The following PLA2G4A variants were observed in gnomAD, a reference collection of about 807,000 sequenced individuals.
PLA2G4A encodes phospholipase A2 group IVA.
In PLA2G4A, 40 loss-of-function variants were observed where a neutral mutation model predicts 81.9. The ratio of observed to expected loss-of-function variants is 0.49; its 90% CI spans 0.38 to 0.64. PLA2G4A has a LOEUF of 0.64. PLA2G4A is among the 30% of genes least tolerant of loss of function. The probability of loss-of-function intolerance (pLI) is 0.00; values close to 1 mark genes in which losing one functional copy is unlikely to be tolerated. For synonymous variants in PLA2G4A, 302 were observed against 296.9 expected (o/e 1.02, Z -0.18); for missense variants, 715 against 905.1 (o/e 0.79, Z 2.69).
At position 186,932,521 on chromosome 1, in the gene PLA2G4A, G is replaced by A. The variant is rs181159135; in HGVS notation, c.559-242G>A. Among the ~76,000 whole-genome samples, 353 of 151,834 alleles carry A rather than the reference G, an allele frequency of 2.3e-3. 6 individuals carry two copies. The highest frequency in any genetic ancestry group is 0.017 in the Middle Eastern group (5 of 294). On this transcript the variant is annotated intron_variant, in intron 7 of 17. Coordinates refer to ENST00000367466, the MANE Select transcript of PLA2G4A (RefSeq NM_024420.3). ...TCACCATGTTGGTCAGGCTGGTCTC[G>A]AACTCCTGACTTCAGGTGATGCACC...
intron 7 of PLA2G4A, 77 bp from the exon 8 acceptor site, chr1:186,932,685 CA>C (rs1655793720): frequency 1.5e-5 from 20 of 1,367,626 alleles, no homozygotes; most frequent in African/African-American, 2.9e-5. Flanking sequence ...GGATGTATAA[CA>C]TAAAGATTGA....
At chr1:186,833,964 G>T (rs1651687566) in intron 1 of PLA2G4A, among the ~76,000 whole-genome samples, 1 of 151,870 alleles carries the variant, frequency 6.6e-6, no homozygotes, top group Non-Finnish European at 1.5e-5. Context: ...TCCTTTTTTG[G>T]CACATGCAGT....
At chr1:186,862,080 ATAT>A (rs770448455) in intron 2 of PLA2G4A, among the ~76,000 whole-genome samples, 9 of 151,144 alleles carry the variant, frequency 6.0e-5, no homozygotes, top group African/African-American at 7.3e-5. Context: ...TTATTTTTAT[ATAT>A]TGTCATTTAA....
At chr1:186,860,096 G>A (rs1652741066) in intron 2 of PLA2G4A, among the ~76,000 whole-genome samples, 1 of 151,988 alleles carries the variant, frequency 6.6e-6, no homozygotes, top group South Asian at 2.1e-4. Context: ...GAAAAATGAG[G>A]AAGAAGAAAG....
At chr1:186,845,602 G>T (rs919946670) in intron 1 of PLA2G4A, among the ~76,000 whole-genome samples, 3 of 151,974 alleles carry the variant, frequency 2.0e-5, no homozygotes, top group Non-Finnish European at 1.5e-5. Context: ...AAAGAGAAAA[G>T]AATCTTTTGC....
intron 14 of PLA2G4A, among the ~76,000 whole-genome samples, chr1:186,957,116 C>T (rs199681822): frequency 1.3e-5 from 2 of 151,890 alleles, no homozygotes; most frequent in African/African-American, 4.8e-5. Context: ...TGCACCACTG[C>T]ACTCCAGCCT....
chr1:186,986,451 G>T (rs771044665), intron 17 of PLA2G4A, among the ~76,000 whole-genome samples: 3 of 152,188 alleles, frequency 2.0e-5, no homozygotes, highest in Non-Finnish European at 4.4e-5. Context: ...TGCTGATATA[G>T]ATCTCTAGAA....
rs1419811499 is a variant in PLA2G4A at position 186,977,749 on chromosome 1, G to A, written c.1921G>A (p.Val641Ile). Residue 641 changes from valine (V) to isoleucine (I), a missense_variant, in exon 16 of 18, where the codon GTT (valine) becomes ATT (isoleucine). By Grantham distance (29) the Val-to-Ile change is conservative. Coordinates refer to ENST00000367466, the MANE Select transcript of PLA2G4A (RefSeq NM_024420.3). ...AGATTGCCCAACCATCATCCACTTT[G>A]TTCTGGCCAACATCAACTTCAGAAA... ...EKDCPTIIHF[V>I]LANINFRKYR... 6.2e-7 allele frequency: 1 copy of A among 1,613,666 alleles called. No homozygotes were observed. Among genetic ancestry groups the A allele is most frequent in the Non-Finnish European group, 8.5e-7 (1 of 1,179,740 alleles).
intron 1 of PLA2G4A, among the ~76,000 whole-genome samples, chr1:186,848,445 T>C (rs980508103): frequency 6.6e-6 from 1 of 152,114 alleles, no homozygotes; most frequent in Non-Finnish European, 1.5e-5. Flanking sequence ...TGCAACAAGC[T>C]CTACCTTGAG....
chr1:186,916,613 C>T (rs1486729397), intron 7 of PLA2G4A, among the ~76,000 whole-genome samples: 1 of 152,100 alleles, frequency 6.6e-6, no homozygotes, highest in Non-Finnish European at 1.5e-5. Flanking sequence ...GAGTCCCCAC[C>T]AGTCTTCAGT....
rs768834249 is a variant in PLA2G4A, at chr1:186,956,271, T to A, written c.1506T>A (p.Tyr502Ter). The stretch of plus-strand genomic sequence containing the variant: ...TGGGCTTGAATCTCAATACATCTTA[T>A]CCACTGTCTCCTTTGAGTGACTTTG... ...FMLGLNLNTS[Y>*]PLSPLSDFAT... is the part of the protein sequence containing the mutation. Residue 502 changes from tyrosine (Y) to a stop codon, truncating the protein, a stop_gained, in exon 14 of 18, where the codon TAT (tyrosine) becomes TAA (stop). Transcript: ENST00000367466. LOFTEE classifies it high-confidence loss of function. The A allele has an allele frequency of 6.2e-7, 1 of 1,613,634 alleles. No individual in the cohort carries two copies. Among genetic ancestry groups the A allele is most frequent in the South Asian group, 1.1e-5 (1 of 91,076 alleles).
At chr1:186,899,737 T>G (rs1654471676) in intron 5 of PLA2G4A, among the ~76,000 whole-genome samples, 4 of 152,132 alleles carry the variant, frequency 2.6e-5, no homozygotes, top group Admixed American at 1.3e-4. Flanking sequence ...TCAGAAGCAT[T>G]AGCAAGCAAT....
At chr1:186,968,422 G>GTGTGTGTGTGTT (rs1657214027) in intron 15 of PLA2G4A, among the ~76,000 whole-genome samples, 1 of 151,200 alleles carries the variant, frequency 6.6e-6, no homozygotes, top group Non-Finnish European at 1.5e-5. Context: ...GTGTGTGTGT[G>GTGTGTGTGTGTT]TGTGTGTGTG....
At chr1:186,904,096 A>G (rs1261354855) in intron 5 of PLA2G4A, among the ~76,000 whole-genome samples, 1 of 152,170 alleles carries the variant, frequency 6.6e-6, no homozygotes, top group East Asian at 1.9e-4. Flanking sequence ...TTTATAGTTT[A>G]TCTCCTCCAG....
chr1:186,962,901 A>G (rs761756556), intron 14 of PLA2G4A, among the ~76,000 whole-genome samples: 87 of 152,278 alleles, frequency 5.7e-4, no homozygotes, highest in Non-Finnish European at 1.1e-3. Context: ...ATAGTGTCAC[A>G]CCGTGCTTAG....
intron 1 of PLA2G4A, among the ~76,000 whole-genome samples, chr1:186,849,744 A>G (rs982593624): frequency 3.3e-5 from 5 of 151,832 alleles, no homozygotes; most frequent in Admixed American, 6.6e-5. Context: ...TCTATTTCCA[A>G]TTGTTTCTTT....
Position 186,988,912 on chromosome 1 carries a change from GA to G in PLA2G4A, c.*405del, listed in dbSNP as rs897560508. 19 of 164,684 alleles carry G rather than the reference GA, an allele frequency of 1.2e-4. No individual in the cohort carries two copies. The highest frequency in any genetic ancestry group is 4.1e-4 in the Admixed American group (7 of 17,060). The allele number at this position is 164,684 out of a possible 1,614,324, so 10.2% of individuals were successfully genotyped here. A position where few individuals can be genotyped will look rare whatever the true frequency, so the allele number is the denominator to read the frequency against. ...CTGACTAGATTTATTCATACCATGA[GA>G]CAACACTATTTTTATTTATATATGC... On this transcript the variant is annotated 3_prime_UTR_variant, in exon 18 of 18. Coordinates refer to ENST00000367466, the MANE Select transcript of PLA2G4A (RefSeq NM_024420.3).
At chr1:186,890,912 C>A (rs145995285) in intron 3 of PLA2G4A, among the ~76,000 whole-genome samples, 1 of 151,234 alleles carries the variant, frequency 6.6e-6, no homozygotes, top group Non-Finnish European at 1.5e-5. Context: ...TCATTTCCAT[C>A]TGAATATTGC....
chr1:186,947,389 A>G (rs1656382865), intron 12 of PLA2G4A, among the ~76,000 whole-genome samples: 1 of 152,128 alleles, frequency 6.6e-6, no homozygotes, highest in African/African-American at 2.4e-5. Context: ...GAATTCTGTT[A>G]GCATCTTATA....
Sources: gnomAD v4.1 joint callset for allele counts (sites outside exome capture counted in the v4.1 genomes callset) on GRCh38, gnomAD v4.1.1 for gene constraint, MANE v1.5 for transcripts, NCBI Gene and HGNC (gene_info 2026-07-23, HGNC 2026-07-21) for gene names.